The following ZNF609 variants were observed in gnomAD, a reference collection of about 807,000 sequenced individuals.
ZNF609 encodes zinc finger protein 609.
In ZNF609, 11 loss-of-function variants were observed where a neutral mutation model predicts 109.5. The observed-to-expected ratio is 0.10, with a 90% CI of 0.06 to 0.17. The LOEUF (loss-of-function observed/expected upper bound fraction) is 0.17, where lower values mean the gene tolerates loss of function less well. Ranked by LOEUF, ZNF609 falls within the 10% of genes least tolerant of loss-of-function variation. The pLI is 1.00. For missense variants in ZNF609, 1,559 were observed against 1,772.4 expected (o/e 0.88, Z 2.16); for synonymous variants, 646 against 662.0 (o/e 0.98, Z 0.37).
chr15:64,469,070 C>G (rs1321238709), intron 1 of ZNF609, among the ~76,000 whole-genome samples: 2 of 115,826 alleles, frequency 1.7e-5, no homozygotes, highest in East Asian at 5.9e-4. Context: ...CACAATTCAG[C>G]CTGGCCAACA....
At chr15:64,643,310 C>G (rs1424106370) in intron 3 of ZNF609, among the ~76,000 whole-genome samples, 1 of 152,140 alleles carries the variant, frequency 6.6e-6, no homozygotes, top group Admixed American at 6.5e-5. Flanking sequence ...TACTTTCATA[C>G]GATCTGTTTC....
intron 2 of ZNF609, among the ~76,000 whole-genome samples, chr15:64,532,895 CCTT>C (rs1200005148): frequency 1.3e-5 from 2 of 152,142 alleles, no homozygotes; most frequent in African/African-American, 2.4e-5. Context: ...CATTTAATCT[CCTT>C]ATTTTAGGTA....
chr15:64,557,943 C>T (rs1405274054), intron 2 of ZNF609, among the ~76,000 whole-genome samples: 1 of 152,156 alleles, frequency 6.6e-6, no homozygotes, highest in Admixed American at 6.6e-5. Flanking sequence ...CTCGGCCTCC[C>T]AAAGTGCTGG....
intron 2 of ZNF609, among the ~76,000 whole-genome samples, chr15:64,565,090 C>T (rs1286685156): frequency 1.4e-5 from 2 of 143,728 alleles, no homozygotes; most frequent in African/African-American, 2.6e-5. Context: ...TCTTGATTCT[C>T]GGTCTGTCAC....
At chr15:64,551,421 C>T (rs1398881304) in intron 2 of ZNF609, among the ~76,000 whole-genome samples, 8 of 151,922 alleles carry the variant, frequency 5.3e-5, no homozygotes, top group South Asian at 2.1e-4. Context: ...TTTGGGAGGC[C>T]GAGGCAGGCG....
chr15:64,490,212 C>T (rs1179513712), intron 1 of ZNF609, among the ~76,000 whole-genome samples: 1 of 151,652 alleles, frequency 6.6e-6, no homozygotes, highest in African/African-American at 2.4e-5. Context: ...ATCCTCCCGC[C>T]TCAGTCTCCC....
At chr15:64,666,424 G>C (rs1215775186) in intron 3 of ZNF609, among the ~76,000 whole-genome samples, 1 of 152,052 alleles carries the variant, frequency 6.6e-6, no homozygotes, top group Non-Finnish European at 1.5e-5. Flanking sequence ...AAATAAAAGT[G>C]ATTTAAGGCT....
chr15:64,530,814 A>G (rs1280987808), intron 2 of ZNF609, among the ~76,000 whole-genome samples: 1 of 152,212 alleles, frequency 6.6e-6, no homozygotes, highest in Non-Finnish European at 1.5e-5. Flanking sequence ...ATTAAAGTAT[A>G]CATACCCCTA....
intron 2 of ZNF609, among the ~76,000 whole-genome samples, chr15:64,584,769 T>C (rs1203677468): frequency 6.6e-6 from 1 of 151,542 alleles, no homozygotes; most frequent in Non-Finnish European, 1.5e-5. Flanking sequence ...GCTGGGACTA[T>C]GGGTGCATGC....
intron 2 of ZNF609, among the ~76,000 whole-genome samples, chr15:64,572,391 G>C (rs959901089): frequency 6.6e-6 from 1 of 151,516 alleles, no homozygotes; most frequent in Non-Finnish European, 1.5e-5. Context: ...TACTTGGGAG[G>C]CTGAGGTGGG....
chr15:64,532,768 A>G (rs1174643187), intron 2 of ZNF609, among the ~76,000 whole-genome samples: 1 of 152,228 alleles, frequency 6.6e-6, no homozygotes, highest in Non-Finnish European at 1.5e-5. Flanking sequence ...GGCTTACCAG[A>G]TTTCTTAGAA....
chr15:64,646,939 CA>C lies in ZNF609; in HGVS notation c.974-23384del, dbSNP rs10628744. Among the ~76,000 whole-genome samples, 573 of 59,772 alleles carry C rather than the reference CA, an allele frequency of 9.6e-3. 1 individual carries two copies. The highest frequency in any genetic ancestry group is 0.016 in the African/African-American group (234 of 14,260). 39.2% of individuals were successfully genotyped at this position (59,772 alleles called of 152,430 possible). On this transcript the variant is annotated intron_variant, in intron 3 of 9. Coordinates refer to ENST00000326648, the MANE Select transcript of ZNF609 (RefSeq NM_015042.2). ...TGGATGACAGAGGGAGACTCTGTCTCAAAAAAAAAAAAAAAAAAAAAAATCA... is the reference window on the plus strand; with the variant it reads ...TGGATGACAGAGGGAGACTCTGTCTCAAAAAAAAAAAAAAAAAAAAAATCA...
intron 2 of ZNF609, among the ~76,000 whole-genome samples, chr15:64,530,231 G>T (rs532033102): frequency 6.6e-6 from 1 of 152,040 alleles, no homozygotes; most frequent in Non-Finnish European, 1.5e-5. Flanking sequence ...GGCCAGGCTG[G>T]TCTCAAACTC....
chr15:64,500,729 A>G lies in ZNF609; in HGVS notation c.747+563A>G, dbSNP rs1893550102. 1.1e-5 allele frequency: 4 copies of G among 366,026 alleles called. No homozygotes were observed. In the South Asian group the frequency reaches 1.1e-4, roughly 10 times the overall value. 22.7% of individuals were successfully genotyped at this position (366,026 alleles called of 1,614,324 possible). On this transcript the variant is annotated intron_variant, in intron 2 of 9. Coordinates refer to ENST00000326648, the MANE Select transcript of ZNF609 (RefSeq NM_015042.2). ...CACATTTTGAGGGCAAGAGGTACTC[A>G]TTGTACTTTGAGGTACTTAGATCTT...
intron 3 of ZNF609, among the ~76,000 whole-genome samples, chr15:64,642,381 C>T (rs1039296254): frequency 2.6e-5 from 4 of 151,966 alleles, no homozygotes; most frequent in Admixed American, 6.6e-5. Flanking sequence ...GACTAGGTCT[C>T]GCTGTGTTGA....
chr15:64,536,916 G>GAAA (rs60594462), intron 2 of ZNF609, among the ~76,000 whole-genome samples: 1 of 55,400 alleles, frequency 1.8e-5, no homozygotes, highest in Non-Finnish European at 3.1e-5. Context: ...TCTCAAAAAA[G>GAAA]AAAAAAAAAA....
intron 3 of ZNF609, among the ~76,000 whole-genome samples, chr15:64,630,600 C>A (rs935808015): frequency 6.6e-6 from 1 of 151,894 alleles, no homozygotes; most frequent in Middle Eastern, 3.4e-3. Context: ...TTCACTGTCT[C>A]CCCCAGCTGG....
intron 3 of ZNF609, among the ~76,000 whole-genome samples, chr15:64,633,223 C>T (rs1347570203): frequency 6.6e-6 from 1 of 151,970 alleles, no homozygotes; most frequent in African/African-American, 2.4e-5. Flanking sequence ...TCACAGCTCC[C>T]TGCAGCCTCC....
intron 2 of ZNF609, among the ~76,000 whole-genome samples, chr15:64,552,864 C>G (rs1240490394): frequency 1.3e-5 from 2 of 152,150 alleles, no homozygotes; most frequent in Admixed American, 1.3e-4. Flanking sequence ...CCAGGCAGGT[C>G]TCAAACTCCT....
Sources: allele counts gnomAD v4.1 joint callset (sites outside exome capture counted in the v4.1 genomes callset), GRCh38; gene constraint gnomAD v4.1.1; transcripts MANE v1.5; gene names NCBI Gene and HGNC (gene_info 2026-07-23, HGNC 2026-07-21).